The following HS3ST5 variants were observed in gnomAD, a reference collection of about 807,000 sequenced individuals.
The protein encoded by HS3ST5 is heparan sulfate glucosamine 3-O-sulfotransferase 5.
Under a neutral mutation model 25.4 loss-of-function variants are expected in HS3ST5, and 10 were observed. The observed-to-expected ratio is 0.39, with a 90% CI of 0.24 to 0.67. HS3ST5 has a LOEUF of 0.67. Among genes scored for constraint, HS3ST5 ranks in the 30% least tolerant of loss-of-function variants. HS3ST5 has a pLI of 0.44. For missense variants in HS3ST5, 324 were observed against 420.7 expected (o/e 0.77, Z 2.01); for synonymous variants, 170 against 162.4 (o/e 1.05, Z -0.36).
At chr6:114,334,121 C>T (rs758855365) in intron 1 of HS3ST5, among the ~76,000 whole-genome samples, 78 of 152,226 alleles carry the variant, frequency 5.1e-4, no homozygotes, top group Non-Finnish European at 7.9e-4. Flanking sequence ...CCAAGTACCA[C>T]GGAAATAGGG....
chr6:114,123,237 G>A (rs1378835329), intron 3 of HS3ST5, among the ~76,000 whole-genome samples: 1 of 152,170 alleles, frequency 6.6e-6, no homozygotes, highest in East Asian at 1.9e-4. Flanking sequence ...ACAGGCGTGA[G>A]CCATCGCGCC....
At chr6:114,175,030 T>G (rs773352881) in intron 2 of HS3ST5, among the ~76,000 whole-genome samples, 4 of 152,018 alleles carry the variant, frequency 2.6e-5, no homozygotes, top group Non-Finnish European at 4.4e-5. Flanking sequence ...AATAGGAGCA[T>G]TGAAGGATGT....
At chr6:114,119,475 A>G (rs1023964095) in intron 3 of HS3ST5, among the ~76,000 whole-genome samples, 14 of 152,234 alleles carry the variant, frequency 9.2e-5, no homozygotes, top group African/African-American at 2.7e-4. Flanking sequence ...AACTGCCTCA[A>G]TAAGGAAGAA....
At chr6:114,173,659 G>A (rs374885667) in intron 2 of HS3ST5, among the ~76,000 whole-genome samples, 1 of 152,144 alleles carries the variant, frequency 6.6e-6, no homozygotes, top group East Asian at 1.9e-4. Context: ...AGGAGTTCAA[G>A]ACCAGCCTGG....
At chr6:114,068,745 A>T (rs2114724829) in intron 3 of HS3ST5, among the ~76,000 whole-genome samples, 4 of 152,262 alleles carry the variant, frequency 2.6e-5, no homozygotes, top group African/African-American at 9.6e-5. Flanking sequence ...TAGAAAGTTT[A>T]TTATTTCTTT....
At chr6:114,308,325 C>T (rs1423850193) in intron 1 of HS3ST5, among the ~76,000 whole-genome samples, 2 of 152,158 alleles carry the variant, frequency 1.3e-5, no homozygotes, top group East Asian at 3.9e-4. Flanking sequence ...GTGGCTCATG[C>T]CTGCAATCCC....
At chr6:114,246,744 G>T (rs1165148455) in intron 1 of HS3ST5, among the ~76,000 whole-genome samples, 3 of 152,188 alleles carry the variant, frequency 2.0e-5, no homozygotes, top group African/African-American at 7.2e-5. Flanking sequence ...ACTTCTGAAT[G>T]TAAGGGTGAG....
At chr6:114,099,812 C>G (rs1204377286) in intron 3 of HS3ST5, among the ~76,000 whole-genome samples, 1 of 152,070 alleles carries the variant, frequency 6.6e-6, no homozygotes, top group Admixed American at 6.6e-5. Flanking sequence ...AGGAGTGCAG[C>G]CTTACCTAGG....
intron 1 of HS3ST5, among the ~76,000 whole-genome samples, chr6:114,230,979 G>A (rs1235489763): frequency 1.3e-5 from 2 of 152,084 alleles, no homozygotes; most frequent in Non-Finnish European, 2.9e-5. Flanking sequence ...TAAGTTTGAT[G>A]TAGTTTGTAT....
At chr6:114,342,034 T>G (rs1487001059) in intron 1 of HS3ST5, among the ~76,000 whole-genome samples, 161 bp downstream of exon 1, 1 of 152,144 alleles carries the variant, frequency 6.6e-6, no homozygotes, top group Non-Finnish European at 1.5e-5. Context: ...CTCAAAAGTC[T>G]TCCCCAGGCA....
At chr6:114,073,457 C>A (rs1331649464) in intron 3 of HS3ST5, among the ~76,000 whole-genome samples, 1 of 152,110 alleles carries the variant, frequency 6.6e-6, no homozygotes, top group Non-Finnish European at 1.5e-5. Flanking sequence ...AAAAAACAAA[C>A]CCCATCAAAA....
intron 1 of HS3ST5, among the ~76,000 whole-genome samples, chr6:114,283,690 C>T (rs550600177): frequency 1.1e-3 from 169 of 151,878 alleles, no homozygotes; most frequent in Middle Eastern, 0.01. Flanking sequence ...AAAAAGAAAA[C>T]GACAGGGAAG....
intron 1 of HS3ST5, among the ~76,000 whole-genome samples, chr6:114,341,704 T>G (rs1189340271): frequency 2.6e-5 from 4 of 151,976 alleles, no homozygotes; most frequent in Non-Finnish European, 4.4e-5. Context: ...TAACTTAGCC[T>G]TTGCCTGTTC....
intron 1 of HS3ST5, among the ~76,000 whole-genome samples, chr6:114,287,623 G>T (rs753807180): frequency 2.6e-5 from 4 of 151,994 alleles, no homozygotes; most frequent in Non-Finnish European, 5.9e-5. Context: ...ATTTTGACTT[G>T]CTAGAAATCT....
In HS3ST5 at chr6:114,168,366, TC is replaced by T. The variant is rs1184745400; in HGVS notation, c.-49del. 1 of 152,168 alleles carries T rather than the reference TC, an allele frequency of 6.6e-6. No homozygotes were observed. Among genetic ancestry groups the T allele is most frequent in the Non-Finnish European group, 1.5e-5 (1 of 68,046 alleles). The allele number at this position is 152,168 out of a possible 1,614,324, so 9.4% of individuals were successfully genotyped here. A position where few individuals can be genotyped will look rare whatever the true frequency, so the allele number is the denominator to read the frequency against. ...GCACACATACCTACATTCAGACAGGTCCCTATTATTCCAGCGATGATTATCT... is the reference window on the plus strand; with the variant it reads ...GCACACATACCTACATTCAGACAGGTCCTATTATTCCAGCGATGATTATCT... On this transcript the variant is annotated 5_prime_UTR_variant, in exon 3 of 5. Transcript: ENST00000312719.
intron 1 of HS3ST5, among the ~76,000 whole-genome samples, chr6:114,256,658 C>G (rs979797354): frequency 1.3e-5 from 2 of 152,170 alleles, no homozygotes; most frequent in African/African-American, 4.8e-5. Context: ...TTGTCCATAT[C>G]ATTATCAGTA....
intron 2 of HS3ST5, among the ~76,000 whole-genome samples, chr6:114,228,071 A>C (rs1771388541): frequency 1.3e-5 from 2 of 152,134 alleles, no homozygotes; most frequent in Non-Finnish European, 1.5e-5. Context: ...GTTTAGCATA[A>C]GGTTTGAAAA....
intron 1 of HS3ST5, among the ~76,000 whole-genome samples, chr6:114,301,202 A>G (rs900539778): frequency 1.3e-5 from 2 of 152,240 alleles, no homozygotes; most frequent in Admixed American, 6.5e-5. Context: ...TGTTTAAAAA[A>G]TAATAAGCAG....
chr6:114,278,059 A>G (rs938854714), intron 1 of HS3ST5, among the ~76,000 whole-genome samples: 2 of 151,932 alleles, frequency 1.3e-5, no homozygotes, highest in African/African-American at 4.8e-5. Context: ...GGGAGAAACA[A>G]TAGGTGATTA....
Sources: gnomAD v4.1 joint callset for allele counts (sites outside exome capture counted in the v4.1 genomes callset) on GRCh38, gnomAD v4.1.1 for gene constraint, MANE v1.5 for transcripts, NCBI Gene and HGNC (gene_info 2026-07-23, HGNC 2026-07-21) for gene names.